Variants in BBS4 observed in about 807,000 individuals in gnomAD.
BBS4 encodes Bardet-Biedl syndrome 4.
BBS4 carries 58 observed loss-of-function variants against 71.4 expected under a neutral mutation model. That is an observed-to-expected ratio of 0.81 (90% CI 0.66 to 1.01). The LOEUF is 1.01. Among genes scored for constraint, BBS4 ranks in the 50% least tolerant of loss-of-function variants. BBS4 has a pLI of 0.00. For synonymous variants in BBS4, 228 were observed against 216.8 expected, an observed-to-expected ratio of 1.05 and a Z score of -0.46; for missense variants, 660 against 607.9, an observed-to-expected ratio of 1.09 and a Z score of -0.90.
At chr15:72,698,670 G>A (rs1378844637) in intron 2 of BBS4, among the ~76,000 whole-genome samples, 1 of 152,046 alleles carries the variant, frequency 6.6e-6, no homozygotes, top group Non-Finnish European at 1.5e-5. Flanking sequence ...GTCTTTATAT[G>A]TCAGTAATTC....
At chr15:72,688,296 T>C (rs1382840347) in intron 1 of BBS4, among the ~76,000 whole-genome samples, 2 of 152,084 alleles carry the variant, frequency 1.3e-5, no homozygotes, top group Non-Finnish European at 2.9e-5. Flanking sequence ...GTTAACTGTT[T>C]TCATTGTTGT....
intron 5 of BBS4, 48 bp from the exon 6 acceptor site, chr15:72,716,730 C>G (rs1595929358): frequency 1.5e-6 from 2 of 1,366,026 alleles, no homozygotes; most frequent in East Asian, 4.6e-5. Context: ...TAGGGTTAGT[C>G]TTCTAAGAAT....
At chr15:72,689,731 A>AC in intron 1 of BBS4, among the ~76,000 whole-genome samples, 1 of 150,880 alleles carries the variant, frequency 6.6e-6, no homozygotes, top group East Asian at 1.9e-4. Flanking sequence ...AAAAACAAAA[A>AC]ATGAATGAGC....
Position 72,737,953 on chromosome 15 carries a change from T to A in BBS4, c.*366T>A, listed in dbSNP as rs1356870868. On this transcript the variant is annotated 3_prime_UTR_variant, in exon 16 of 16. Transcript: ENST00000268057. ...CTCCTTCCTTAGTTCAAGGAACAGC[T>A]GAGACAGACCTCTGCTGAGTAGCTC... The A allele has an allele frequency of 2.2e-6, 1 of 455,278 alleles. No homozygotes were observed. 28.2% of individuals were successfully genotyped at this position (455,278 alleles called of 1,614,324 possible).
chr15:72,689,038 AAAAG>A (rs1170450417), intron 1 of BBS4, among the ~76,000 whole-genome samples: 5 of 152,178 alleles, frequency 3.3e-5, no homozygotes, highest in Non-Finnish European at 7.3e-5. Flanking sequence ...GAAAAAAAAA[AAAAG>A]AGAATGTTAC....
intron 10 of BBS4, among the ~76,000 whole-genome samples, 162 bp downstream of exon 10, chr15:72,729,846 C>T (rs1267694690): frequency 1.3e-5 from 2 of 152,150 alleles, no homozygotes; most frequent in Non-Finnish European, 2.9e-5. Context: ...AAAATAGTGT[C>T]AAGTATGCTC....
At chr15:72,703,678 G>A (rs1454865236) in intron 2 of BBS4, among the ~76,000 whole-genome samples, 1 of 152,136 alleles carries the variant, frequency 6.6e-6, no homozygotes, top group African/African-American at 2.4e-5. Context: ...TTGAAATTCT[G>A]CATGTGAAAA....
intron 2 of BBS4, among the ~76,000 whole-genome samples, chr15:72,709,376 C>A (rs2151015761): frequency 6.6e-6 from 1 of 152,288 alleles, no homozygotes; most frequent in Middle Eastern, 3.4e-3. Context: ...TCTTTCTGTT[C>A]ACCTTCTATA....
intron 8 of BBS4, among the ~76,000 whole-genome samples, chr15:72,727,410 C>G (rs1405510693): frequency 6.6e-6 from 1 of 152,092 alleles, no homozygotes; most frequent in Non-Finnish European, 1.5e-5. Context: ...ACCTTCTTTC[C>G]TAGGATTGGT....
rs1456375544 is a variant in BBS4 at position 72,738,318 on chromosome 15, T to TGTTA, written c.*732_*735dup. The stretch of plus-strand genomic sequence containing the variant: ...AGGAAGAGTTTCTTAGATGAGTAAT[T>TGTTA]GTTATTGAAGATAGTCAGTGATAAC... On this transcript the variant is annotated 3_prime_UTR_variant, in exon 16 of 16. Transcript: ENST00000268057. 1 of 454,148 alleles carries TGTTA rather than the reference T, an allele frequency of 2.2e-6. No homozygotes were observed. The highest frequency in any genetic ancestry group is 4.4e-6 in the Non-Finnish European group (1 of 226,794). 28.1% of individuals were successfully genotyped at this position (454,148 alleles called of 1,614,324 possible). A position where few individuals can be genotyped will look rare whatever the true frequency, so the allele number is the denominator to read the frequency against.
rs139648066 is a variant in BBS4, at chr15:72,724,654, G to A, written c.586G>A (p.Glu196Lys). Residue 196 changes from glutamate (E) to lysine (K), a missense_variant and splice_region_variant, in exon 8 of 16, where the codon GAG becomes AAG. Coordinates refer to ENST00000268057, the MANE Select transcript of BBS4 (RefSeq NM_033028.5). The part of the protein sequence containing the change: ...KAIEVYKKAV[E>K]FSPENTELLT... Reference sequence around the variant, plus strand: ...CATTGAAGTCTACAAGAAAGCAGTGGAGTAAGTGTATCTGTTTCCTTTAAA... The same window carrying A: ...CATTGAAGTCTACAAGAAAGCAGTGAAGTAAGTGTATCTGTTTCCTTTAAA... 1 of 1,613,918 alleles carries A rather than the reference G, an allele frequency of 6.2e-7. No homozygotes were observed. Among genetic ancestry groups the A allele is most frequent in the African/African-American group, 1.3e-5 (1 of 75,034 alleles).
chr15:72,686,951 G>A (rs2064857867), intron 1 of BBS4: 1 of 226,748 alleles, frequency 4.4e-6, no homozygotes, highest in African/African-American at 2.3e-5. Flanking sequence ...ATTGTCTTTC[G>A]AAAAACGCCC....
intron 1 of BBS4, among the ~76,000 whole-genome samples, chr15:72,687,156 CG>C (rs2064869477): frequency 5.8e-5 from 3 of 51,994 alleles, no homozygotes; most frequent in Admixed American, 6.3e-4. Context: ...TCGCTGTTGT[CG>C]GCCCGGGCTG....
chr15:72,735,854 C>T lies in BBS4; in HGVS notation c.1136C>T (p.Ala379Val), dbSNP rs147269475. The part of the protein sequence containing the change: ...KCNPLVNLNY[A>V]VLLYNQGEKK... ...AACCCTTTAGTAAACCTGAACTATG[C>T]TGTGCTGCTGTACAACCAGGGCGAG... is the stretch of plus-strand genomic sequence containing the variant. Residue 379 changes from alanine to valine, a missense_variant, in exon 14 of 16, where the codon GCT (alanine) becomes GTT (valine). Ala to Val is a moderately conservative substitution (Grantham distance 64). Coordinates refer to ENST00000268057, the MANE Select transcript of BBS4 (RefSeq NM_033028.5). The T allele has an allele frequency of 1.2e-4, 199 of 1,614,046 alleles. 1 individual carries two copies. Among genetic ancestry groups the T allele is most frequent in the Non-Finnish European group, 1.5e-5 (18 of 1,180,032 alleles).
chr15:72,731,616 A>C lies in BBS4; in HGVS notation c.926A>C (p.Asn309Thr), dbSNP rs1178593849. 1.2e-6 allele frequency: 2 copies of C among 1,614,040 alleles called. No individual in the cohort carries two copies. The highest frequency in any genetic ancestry group is 1.7e-5 in the Admixed American group (1 of 60,002). The stretch of plus-strand genomic sequence containing the variant: ...CCCTTTGATTGGAAGATTCTGTATA[A>C]TTTGGGCCTTGTCCATTTGACCATG... Reference protein sequence around the residue: ...LAPFDWKILYNLGLVHLTMQQ... With the variant: ...LAPFDWKILYTLGLVHLTMQQ... Residue 309 changes from asparagine to threonine, a missense_variant, in exon 12 of 16, where the codon AAT becomes ACT. Asn to Thr is a moderately conservative substitution (Grantham distance 65). Transcript: ENST00000268057.
intron 10 of BBS4, among the ~76,000 whole-genome samples, chr15:72,730,119 A>G (rs1373695838): frequency 7.0e-6 from 1 of 143,128 alleles, no homozygotes; most frequent in African/African-American, 2.7e-5. Flanking sequence ...TACTAAAAAT[A>G]CAAAAAAATT....
At chr15:72,737,028 AT>A in intron 15 of BBS4, 65 bp downstream of exon 15, 1 of 1,554,324 alleles carries the variant, frequency 6.4e-7, no homozygotes, top group South Asian at 1.1e-5. Context: ...GTCAGCAGAG[AT>A]TATAGCTTTC....
chr15:72,698,124 GC>G (rs1228706835), intron 2 of BBS4: 1 of 445,584 alleles, frequency 2.2e-6, no homozygotes, highest in Non-Finnish European at 4.6e-6. Context: ...GGTGGCCATA[GC>G]TGAGGATGAG....
At chr15:72,687,056 G>C (rs2064861337) in intron 1 of BBS4, among the ~76,000 whole-genome samples, 1 of 142,004 alleles carries the variant, frequency 7.0e-6, no homozygotes. Context: ...CCTTTTGTTT[G>C]TTTTCTACTC....
Sources: gnomAD v4.1 joint callset for allele counts (sites outside exome capture counted in the v4.1 genomes callset) on GRCh38, gnomAD v4.1.1 for gene constraint, MANE v1.5 for transcripts, NCBI Gene and HGNC (gene_info 2026-07-23, HGNC 2026-07-21) for gene names.